KIF26B: variants seen among roughly 807,000 people sequenced by gnomAD.
The protein encoded by KIF26B is kinesin-like protein KIF26B.
Under a neutral mutation model 151.2 loss-of-function variants are expected in KIF26B, and 63 were observed. The ratio of observed to expected loss-of-function variants is 0.42; its 90% CI spans 0.34 to 0.51. The LOEUF (loss-of-function observed/expected upper bound fraction) is 0.51, where lower values mean the gene tolerates loss of function less well. KIF26B is among the 20% of genes least tolerant of loss of function. The pLI, the probability that KIF26B is intolerant of heterozygous loss-of-function variation, is 0.07. For synonymous variants in KIF26B, 1,357 were observed against 1,262.1 expected (o/e 1.08, Z -1.59); for missense variants, 2,813 against 2,913.6 (o/e 0.97, Z 0.79).
chr1:245,210,945 G>A (rs763826666), intron 2 of KIF26B, among the ~76,000 whole-genome samples: 1 of 152,170 alleles, frequency 6.6e-6, no homozygotes, highest in Non-Finnish European at 1.5e-5. Context: ...CACTGGCGAT[G>A]TTCTGTTCTT....
At chr1:245,453,964 G>A (rs1659455654) in intron 4 of KIF26B, among the ~76,000 whole-genome samples, 1 of 152,134 alleles carries the variant, frequency 6.6e-6, no homozygotes, top group Non-Finnish European at 1.5e-5. Flanking sequence ...CAGGGCATGG[G>A]CCACAAACCC....
At chr1:245,595,893 G>C (rs2043332216) in intron 5 of KIF26B, among the ~76,000 whole-genome samples, 1 of 152,162 alleles carries the variant, frequency 6.6e-6, no homozygotes, top group Non-Finnish European at 1.5e-5. Flanking sequence ...AGGCTTGGGA[G>C]GGTGTATGTG....
intron 4 of KIF26B, among the ~76,000 whole-genome samples, chr1:245,429,906 C>T (rs1658738139): frequency 6.6e-6 from 1 of 152,170 alleles, no homozygotes; most frequent in South Asian, 2.1e-4. Context: ...TGAGCCACTG[C>T]ACCCGGCCTT....
intron 6 of KIF26B, among the ~76,000 whole-genome samples, chr1:245,605,173 G>C (rs185689492): frequency 6.6e-6 from 1 of 151,436 alleles, no homozygotes; most frequent in Admixed American, 6.5e-5. Flanking sequence ...TCATCAGGCC[G>C]TGTGATTCCT....
intron 3 of KIF26B, among the ~76,000 whole-genome samples, chr1:245,382,321 G>C (rs1202579610): frequency 6.6e-6 from 1 of 152,012 alleles, no homozygotes; most frequent in Non-Finnish European, 1.5e-5. Flanking sequence ...GTGATGTTGA[G>C]CATCTTTTCA....
intron 2 of KIF26B, among the ~76,000 whole-genome samples, chr1:245,317,409 A>T (rs1359456434): frequency 6.6e-6 from 1 of 152,198 alleles, no homozygotes; most frequent in Non-Finnish European, 1.5e-5. Flanking sequence ...TCTAAGCTTG[A>T]GGCCAGAGCT....
intron 2 of KIF26B, among the ~76,000 whole-genome samples, chr1:245,249,214 C>T (rs553090850): frequency 5.6e-4 from 85 of 151,812 alleles, no homozygotes; most frequent in African/African-American, 1.6e-3. Context: ...CAGGTTCAAG[C>T]GCCTCCTGAG....
chr1:245,590,919 A>G (rs1326539594), intron 5 of KIF26B, among the ~76,000 whole-genome samples: 2 of 151,808 alleles, frequency 1.3e-5, no homozygotes, highest in African/African-American at 4.8e-5. Context: ...AAAAAGAAAA[A>G]AAAAAAAAAA....
chr1:245,484,575 G>A (rs1331620982), intron 4 of KIF26B, among the ~76,000 whole-genome samples: 2 of 151,744 alleles, frequency 1.3e-5, no homozygotes, highest in African/African-American at 4.8e-5. Context: ...ACTGCTAAAG[G>A]AATTTTGCAG....
At chr1:245,316,891 G>A (rs182939058) in intron 2 of KIF26B, among the ~76,000 whole-genome samples, 118 of 152,290 alleles carry the variant, frequency 7.7e-4, no homozygotes, top group Non-Finnish European at 1.4e-3. Context: ...GTGTTTCCTG[G>A]TGCGTTTCCT....
At chr1:245,662,380 A>G (rs1304789661) in intron 10 of KIF26B, among the ~76,000 whole-genome samples, 5 of 91,748 alleles carry the variant, frequency 5.4e-5, no homozygotes, top group African/African-American at 2.0e-4. Context: ...ATATACACAC[A>G]CACCATATAT....
At position 245,686,576 on chromosome 1, in the gene KIF26B, T is replaced by C; in HGVS notation, c.3593T>C (p.Ile1198Thr). 6.2e-7 allele frequency: 1 copy of C among 1,612,706 alleles called. No individual in the cohort carries two copies. The highest frequency in any genetic ancestry group is 8.5e-7 in the Non-Finnish European group (1 of 1,179,670). The change falls in exon 12 of 15, where the codon ATC becomes ACC. Residue 1198 changes from isoleucine (I) to threonine (T), a missense_variant. Around this residue, in one of 3 missense-constraint regions of KIF26B, gnomAD observed 2,060 missense variants for 2,088.6 expected, o/e 0.99. Coordinates refer to ENST00000407071, the MANE Select transcript of KIF26B (RefSeq NM_018012.4). This position sits in a 1 kb window ranked among gnomAD's most constrained non-coding sequence, Gnocchi z 5.6. ...LVFTLVEELT[I>T]SGVLDSGRPT... ...TTCACGCTGGTGGAGGAGCTGACCA[T>C]CAGCGGGGTCCTGGACAGCGGCCGC... is the stretch of plus-strand genomic sequence containing the variant.
chr1:245,174,465 C>CT lies in KIF26B; in HGVS notation c.465+17789dup, dbSNP rs529733936. 2.4e-3 allele frequency among the ~76,000 whole-genome samples: 367 copies of CT among 150,952 alleles called. 4 individuals carry two copies. The highest frequency in any genetic ancestry group is 8.1e-3 in the African/African-American group (333 of 41,320). On this transcript the variant is annotated intron_variant, in intron 2 of 14. Coordinates refer to ENST00000407071, the MANE Select transcript of KIF26B (RefSeq NM_018012.4). ...AGAAGGACAGAGAGACCAAGAAACT[C>CT]TTTTTTTACTCCTATTCAGCAACTA... is the stretch of plus-strand genomic sequence containing the variant.
At chr1:245,264,191 TC>T (rs1670700099) in intron 2 of KIF26B, among the ~76,000 whole-genome samples, 1 of 152,176 alleles carries the variant, frequency 6.6e-6, no homozygotes, top group South Asian at 2.1e-4. Context: ...ACGAGGTCTA[TC>T]ACCAAAGAAT....
Position 245,244,074 on chromosome 1 carries a change from G to T in KIF26B, c.465+87391G>T, listed in dbSNP as rs1233732314. 6.6e-6 allele frequency among the ~76,000 whole-genome samples: 1 copy of T among 152,028 alleles called. No homozygotes were observed. Among genetic ancestry groups the T allele is most frequent in the Non-Finnish European group, 1.5e-5 (1 of 68,016 alleles). ...TTGCCTCGGCCTCTTGTCCTGTTGAGTAGCTAGGACTACAGGCATGCACCA... is the reference window on the plus strand; with the variant it reads ...TTGCCTCGGCCTCTTGTCCTGTTGATTAGCTAGGACTACAGGCATGCACCA... On this transcript the variant is annotated intron_variant, in intron 2 of 14. Coordinates refer to ENST00000407071, the MANE Select transcript of KIF26B (RefSeq NM_018012.4). The surrounding 1 kb of genome is among the most constrained non-coding windows in gnomAD (Gnocchi z 4.2).
intron 3 of KIF26B, among the ~76,000 whole-genome samples, chr1:245,402,791 G>T (rs1375797070): frequency 6.6e-6 from 1 of 152,170 alleles, no homozygotes; most frequent in Non-Finnish European, 1.5e-5. Flanking sequence ...GGCCGGTCTA[G>T]GACATTCATG....
intron 11 of KIF26B, among the ~76,000 whole-genome samples, chr1:245,684,819 C>CT (rs2044488436): frequency 6.6e-6 from 1 of 152,232 alleles, no homozygotes; most frequent in Non-Finnish European, 1.5e-5. Flanking sequence ...AGGGCCCCTC[C>CT]CCTGCTGCAT....
chr1:245,550,335 G>A (rs1387146267), intron 5 of KIF26B, among the ~76,000 whole-genome samples: 1 of 152,240 alleles, frequency 6.6e-6, no homozygotes, highest in Non-Finnish European at 1.5e-5. Context: ...GTTTTCCAAT[G>A]CTAGCTTCTT....
rs563614061 is a variant in KIF26B, at chr1:245,322,655, C to T, written c.466-44179C>T. On this transcript the variant is annotated intron_variant, in intron 2 of 14. Transcript: ENST00000407071. ...TACCTGTTTGTATGGCATATTTAAA[C>T]ATTATTGTGTTTTCTGCTGTTTGGG... 2.6e-5 allele frequency among the ~76,000 whole-genome samples: 4 copies of T among 152,202 alleles called. No individual in the cohort carries two copies. In the East Asian group the frequency reaches 7.7e-4, roughly 29 times the overall value.
Sources: allele counts gnomAD v4.1 joint callset (sites outside exome capture counted in the v4.1 genomes callset), GRCh38; gene constraint gnomAD v4.1.1; regional missense constraint gnomAD v4.1.1; non-coding constraint Gnocchi (gnomAD v3.1); transcripts MANE v1.5; gene names NCBI Gene and HGNC (gene_info 2026-07-23, HGNC 2026-07-21).